Variants in MAP2 observed in about 807,000 individuals in gnomAD.
MAP2 encodes microtubule-associated protein 2.
Under a neutral mutation model 137.6 loss-of-function variants are expected in MAP2, and 14 were observed. The ratio of observed to expected loss-of-function variants is 0.10; its 90% CI spans 0.07 to 0.16. MAP2 has a LOEUF of 0.16. Ranked by LOEUF, MAP2 falls within the 10% of genes least tolerant of loss-of-function variation. The probability of loss-of-function intolerance (pLI) is 1.00; values close to 1 mark genes in which losing one functional copy is unlikely to be tolerated. For synonymous variants in MAP2, 786 were observed against 782.3 expected (o/e 1.00, Z -0.08); for missense variants, 2,088 against 2,191.5 (o/e 0.95, Z 0.94).
At chr2:209,621,732 A>C (rs1316658402) in intron 3 of MAP2, among the ~76,000 whole-genome samples, 1 of 152,198 alleles carries the variant, frequency 6.6e-6, no homozygotes, top group Non-Finnish European at 1.5e-5. Flanking sequence ...GCCGTTGAGG[A>C]AACCACAACA....
chr2:209,644,419 C>G (rs2094261793), intron 4 of MAP2, among the ~76,000 whole-genome samples: 1 of 152,096 alleles, frequency 6.6e-6, no homozygotes, highest in Admixed American at 6.6e-5. Context: ...AACTTGAATT[C>G]CATACTTCTA....
At chr2:209,528,659 A>G (rs889956201) in intron 2 of MAP2, among the ~76,000 whole-genome samples, 1 of 151,858 alleles carries the variant, frequency 6.6e-6, no homozygotes, top group Admixed American at 6.6e-5. Flanking sequence ...TTCTTTCTCA[A>G]AAGAGGACCT....
chr2:209,437,702 T>A (rs1311295165), intron 1 of MAP2, among the ~76,000 whole-genome samples: 3 of 151,604 alleles, frequency 2.0e-5, no homozygotes, highest in African/African-American at 7.3e-5. Context: ...TGATAATGAT[T>A]CTTAGACATA....
rs1369780656 is a variant in MAP2, at chr2:209,696,111, T to C, written c.3941T>C (p.Leu1314Pro). The C allele has an allele frequency of 5.6e-6, 9 of 1,613,604 alleles. No homozygotes were observed. The highest frequency in any genetic ancestry group is 7.6e-6 in the Non-Finnish European group (9 of 1,179,848). The change falls in exon 8 of 16, where the codon CTA (leucine) becomes CCA (proline). Residue 1314 changes from leucine (L) to proline (P), a missense_variant. By Grantham distance (98) the Leu-to-Pro change is moderately conservative. Around this residue, in one of 6 missense-constraint regions of MAP2, gnomAD observed 591 missense variants for 642.6 expected, o/e 0.92. Coordinates refer to ENST00000682079, the MANE Select transcript of MAP2 (RefSeq NM_001375505.1). ...SGSHSVRFAA[L>P]EQPEVERRPS... ...TCCCACAGCGTGCGTTTTGCAGCCCTAGAGCAGCCTGAGGTGGAAAGGAGA... is the reference window on the plus strand; with the variant it reads ...TCCCACAGCGTGCGTTTTGCAGCCCCAGAGCAGCCTGAGGTGGAAAGGAGA...
chr2:209,536,737 C>T (rs1422502351), intron 2 of MAP2, among the ~76,000 whole-genome samples: 1 of 152,064 alleles, frequency 6.6e-6, no homozygotes, highest in Non-Finnish European at 1.5e-5. Flanking sequence ...AATTGAGTTA[C>T]TTGTTAATCT....
intron 1 of MAP2, among the ~76,000 whole-genome samples, chr2:209,489,911 G>A (rs778771184): frequency 1.1e-4 from 16 of 152,092 alleles, no homozygotes; most frequent in Non-Finnish European, 2.1e-4. Context: ...TAGCAAGACA[G>A]GCCAACATCA....
At chr2:209,606,448 G>A (rs1230966110) in intron 3 of MAP2, among the ~76,000 whole-genome samples, 2 of 152,020 alleles carry the variant, frequency 1.3e-5, no homozygotes, top group East Asian at 1.9e-4. Context: ...GATAGCTTGA[G>A]CCTGGAGATA....
intron 1 of MAP2, among the ~76,000 whole-genome samples, chr2:209,473,015 G>A (rs1706181041): frequency 6.6e-6 from 1 of 152,090 alleles, no homozygotes; most frequent in Non-Finnish European, 1.5e-5. Context: ...CAACATCTTT[G>A]ATGGCTAGGA....
chr2:209,451,307 G>A (rs563677664), intron 1 of MAP2, among the ~76,000 whole-genome samples: 1 of 152,322 alleles, frequency 6.6e-6, no homozygotes, highest in South Asian at 2.1e-4. Context: ...TCAGGCTGCT[G>A]CTCCTCTGGC....
intron 3 of MAP2, among the ~76,000 whole-genome samples, chr2:209,612,706 A>G (rs1048778204): frequency 3.3e-5 from 5 of 152,206 alleles, no homozygotes; most frequent in African/African-American, 4.8e-5. Flanking sequence ...AGGTGATGCT[A>G]TAGCTGATCA....
At position 209,595,355 on chromosome 2, in the gene MAP2, A is replaced by G. The variant is rs141969272; in HGVS notation, c.-107+15255A>G. Among the ~76,000 whole-genome samples the G allele has an allele frequency of 4.0e-3, 602 of 152,302 alleles. 3 individuals carry two copies. Among genetic ancestry groups the G allele is most frequent in the South Asian group, 0.011 (55 of 4,820 alleles). On this transcript the variant is annotated intron_variant, in intron 3 of 15. Coordinates refer to ENST00000682079, the MANE Select transcript of MAP2 (RefSeq NM_001375505.1). The stretch of plus-strand genomic sequence containing the variant: ...GATTTTATCTGGCTTCAGTTAATTG[A>G]AAGTTTCTGCTTTCTCAGTGAGATT...
intron 1 of MAP2, among the ~76,000 whole-genome samples, chr2:209,493,343 G>T (rs9750637): frequency 0.24 from 37,215 of 152,002 alleles, 5,128 homozygotes; most frequent in South Asian, 0.32. Flanking sequence ...GAAAACCTAG[G>T]CAATACCATT....
At chr2:209,477,840 A>AT (rs1343457495) in intron 1 of MAP2, among the ~76,000 whole-genome samples, 1 of 148,610 alleles carries the variant, frequency 6.7e-6, no homozygotes, top group Admixed American at 6.7e-5. Context: ...TATACAAAAT[A>AT]TTAAAAAAAA....
At chr2:209,438,227 T>A (rs1325284363) in intron 1 of MAP2, among the ~76,000 whole-genome samples, 1 of 151,694 alleles carries the variant, frequency 6.6e-6, no homozygotes. Context: ...ACATATCAGA[T>A]ACTTATGGAA....
intron 11 of MAP2, among the ~76,000 whole-genome samples, chr2:209,700,675 A>T (rs1356914721): frequency 6.6e-6 from 1 of 152,162 alleles, no homozygotes; most frequent in East Asian, 1.9e-4. Flanking sequence ...CAGTAACTGT[A>T]TTTTATAATA....
At chr2:209,631,845 A>G (rs2093090530) in intron 4 of MAP2, among the ~76,000 whole-genome samples, 1 of 152,138 alleles carries the variant, frequency 6.6e-6, no homozygotes, top group Admixed American at 6.6e-5. Flanking sequence ...GAAGCATGAA[A>G]CTGCAACATG....
chr2:209,468,803 T>A (rs142463669), intron 1 of MAP2, among the ~76,000 whole-genome samples: 2 of 152,246 alleles, frequency 1.3e-5, no homozygotes, highest in African/African-American at 4.8e-5. Context: ...CATATGGATA[T>A]CTTTGATCTG....
At chr2:209,616,236 C>G (rs1333655639) in intron 3 of MAP2, among the ~76,000 whole-genome samples, 2 of 152,230 alleles carry the variant, frequency 1.3e-5, no homozygotes, top group Non-Finnish European at 2.9e-5. Context: ...TGGGGCATCA[C>G]TGGCCCGGGG....
intron 5 of MAP2, among the ~76,000 whole-genome samples, chr2:209,670,081 G>A (rs2048132211): frequency 6.6e-6 from 1 of 151,882 alleles, no homozygotes; most frequent in African/African-American, 2.4e-5. Context: ...AGTTCCAAAA[G>A]TACTGTCAAT....
Sources: gnomAD v4.1 joint callset for allele counts (sites outside exome capture counted in the v4.1 genomes callset) on GRCh38, gnomAD v4.1.1 for gene constraint, gnomAD v4.1.1 regional missense constraint, MANE v1.5 for transcripts, NCBI Gene and HGNC (gene_info 2026-07-23, HGNC 2026-07-21) for gene names.